The following DMBX1 variants were observed in gnomAD, a reference collection of about 807,000 sequenced individuals.
DMBX1 encodes diencephalon/mesencephalon homeobox 1.
In DMBX1, 7 loss-of-function variants were observed where a neutral mutation model predicts 30.4. The observed-to-expected ratio is 0.23, with a 90% confidence interval of 0.13 to 0.43. The LOEUF (loss-of-function observed/expected upper bound fraction) is 0.43, where lower values mean the gene tolerates loss of function less well. DMBX1 is among the 20% of genes least tolerant of loss of function. The probability of loss-of-function intolerance (pLI) is 1.00; values close to 1 mark genes in which losing one functional copy is unlikely to be tolerated. For synonymous variants in DMBX1, 222 were observed against 214.2 expected (o/e 1.04, Z -0.32); for missense variants, 460 against 508.5 (o/e 0.90, Z 0.92).
intron 2 of DMBX1, among the ~76,000 whole-genome samples, chr1:46,497,888 G>T (rs1238198054): frequency 6.6e-6 from 1 of 152,204 alleles, no homozygotes; most frequent in African/African-American, 2.4e-5. Context: ...TGTGAAACGC[G>T]GCCGCGCCGT....
At chr1:46,503,635 G>A (rs905597862) in intron 2 of DMBX1, among the ~76,000 whole-genome samples, 1 of 152,202 alleles carries the variant, frequency 6.6e-6, no homozygotes, top group Non-Finnish European at 1.5e-5. Flanking sequence ...GTCTGCGTAC[G>A]TGTATTTTTG....
rs1048047254 is a variant in DMBX1 at position 46,491,313 on chromosome 1, T to C, written c.-13+530T>C. On this transcript the variant is annotated intron_variant, in intron 2 of 5. Transcript: ENST00000360032. The surrounding 1 kb of genome is among the most constrained non-coding windows in gnomAD (Gnocchi z 5.5). Reference sequence around the variant, plus strand: ...GACGAGATCCGAGGCCTTTTCACCCTCTTTGCAAGCATGCAGTTCACCAAA... The same window carrying C: ...GACGAGATCCGAGGCCTTTTCACCCCCTTTGCAAGCATGCAGTTCACCAAA... Among the ~76,000 whole-genome samples the C allele has an allele frequency of 1.3e-5, 2 of 152,272 alleles. No individual in the cohort carries two copies. Among genetic ancestry groups the C allele is most frequent in the African/African-American group, 2.4e-5 (1 of 41,548 alleles).
chr1:46,508,808 G>A (rs1281760035), intron 3 of DMBX1, among the ~76,000 whole-genome samples: 2 of 145,248 alleles, frequency 1.4e-5, no homozygotes, highest in South Asian at 2.2e-4. Context: ...ACACCTACAC[G>A]CCCCCCACCC....
chr1:46,508,533 A>G (rs1666285378), intron 3 of DMBX1, among the ~76,000 whole-genome samples: 1 of 152,072 alleles, frequency 6.6e-6, no homozygotes, highest in Admixed American at 6.5e-5. Flanking sequence ...TAGTGTGGGG[A>G]TGTTGGATAC....
chr1:46,498,563 C>A (rs1487392519), intron 2 of DMBX1, among the ~76,000 whole-genome samples: 1 of 152,090 alleles, frequency 6.6e-6, no homozygotes, highest in East Asian at 1.9e-4. Context: ...GGGGACAGGG[C>A]CACATGACTT....
Position 46,510,665 on chromosome 1 carries a change from A to G in DMBX1, c.333+11A>G, listed in dbSNP as rs201514944. 845 of 1,610,650 alleles carry G rather than the reference A, an allele frequency of 5.2e-4. 1 individual carries two copies. The highest frequency in any genetic ancestry group is 8.9e-4 in the Middle Eastern group (5 of 5,620). On this transcript the variant is annotated intron_variant, in intron 4 of 5. Transcript: ENST00000360032. This position sits in a 1 kb window ranked among gnomAD's most constrained non-coding sequence, Gnocchi z 4.1. ...GAGGCCCGGGTGCAGGTAGGGCCCA[A>G]CTCTCCTAACTAGGCCTTGCAGACA...
rs1460333055 is a variant in DMBX1, at chr1:46,493,031, T to A, written c.-13+2248T>A. 6.6e-6 allele frequency among the ~76,000 whole-genome samples: 1 copy of A among 151,982 alleles called. No homozygotes were observed. The highest frequency in any genetic ancestry group is 1.9e-4 in the East Asian group (1 of 5,194). On this transcript the variant is annotated intron_variant, in intron 2 of 5. Coordinates refer to ENST00000360032, the MANE Select transcript of DMBX1 (RefSeq NM_172225.2). This position sits in a 1 kb window ranked among gnomAD's most constrained non-coding sequence, Gnocchi z 4.1. ...CAGGCCTCGAAGTTACTCCTCCTCC[T>A]CCGGCCAGTCCCAGTTCCTCAAGGA...
In DMBX1 at chr1:46,507,122, C is replaced by G. The variant is rs758428106; in HGVS notation, c.112C>G (p.Arg38Gly). ...GCAGGCCCAGCATGCCCCCGACTACCGGCCTTCAGTGCATGCGCTTACATT... is the reference window on the plus strand; with the variant it reads ...GCAGGCCCAGCATGCCCCCGACTACGGGCCTTCAGTGCATGCGCTTACATT... ...AQQAQHAPDY[R>G]PSVHALTLAE... Residue 38 changes from arginine to glycine, a missense_variant, in exon 3 of 6, where the codon CGG becomes GGG. Coordinates refer to ENST00000360032, the MANE Select transcript of DMBX1 (RefSeq NM_172225.2). The G allele has an allele frequency of 2.5e-6, 4 of 1,614,242 alleles. No individual in the cohort carries two copies. The South Asian group carries it at 3.3e-5, about 13-fold the overall frequency.
chr1:46,498,545 T>C (rs1666066551), intron 2 of DMBX1, among the ~76,000 whole-genome samples: 1 of 152,154 alleles, frequency 6.6e-6, no homozygotes, highest in African/African-American at 2.4e-5. Context: ...TACACTGACC[T>C]AGCAGCAGGG....
intron 2 of DMBX1, among the ~76,000 whole-genome samples, chr1:46,506,684 G>A (rs59450915): frequency 0.06 from 9,170 of 152,276 alleles, 700 homozygotes; most frequent in African/African-American, 0.18. Context: ...CTATGGGTCA[G>A]ATAAGTTAAA....
rs545485017 is a variant in DMBX1 at position 46,512,024 on chromosome 1, T to C, written c.683-19T>C. On this transcript the variant is annotated intron_variant, in intron 5 of 5. Transcript: ENST00000360032. The surrounding 1 kb of genome is among the most constrained non-coding windows in gnomAD (Gnocchi z 4.8). ...TGCCCTTGTCCTGAGGGCTTTGTTC[T>C]TGGGTTCTCTGCTTGCAGATTCCCC... 6.7e-5 allele frequency: 108 copies of C among 1,601,604 alleles called. 3 individuals are homozygous for C. In the South Asian group the frequency reaches 1.1e-3, roughly 17 times the overall value.
intron 2 of DMBX1, among the ~76,000 whole-genome samples, chr1:46,503,068 T>C (rs1260529493): frequency 6.6e-6 from 1 of 152,212 alleles, no homozygotes; most frequent in Non-Finnish European, 1.5e-5. Flanking sequence ...CCTCTAACCT[T>C]ACCTCCTTCA....
In DMBX1 at chr1:46,507,073, C is replaced by T. The variant is rs772839433; in HGVS notation, c.63C>T (p.Tyr21=). 21 of 1,614,150 alleles carry T rather than the reference C, an allele frequency of 1.3e-5. No individual in the cohort carries two copies. In the African/African-American group the frequency reaches 2.5e-4, roughly 19 times the overall value. Residue 21 remains tyrosine (Y), a synonymous_variant, in exon 3 of 6, where the codon TAC becomes TAT. Transcript: ENST00000360032. ...LHAMNSLSAM[Y]NLHQQAAQQA... ...CCATGAACTCACTCAGCGCCATGTA[C>T]AACCTGCACCAGCAGGCAGCCCAGC...
At chr1:46,509,577 C>A (rs1023318020) in intron 3 of DMBX1, among the ~76,000 whole-genome samples, 1 of 152,090 alleles carries the variant, frequency 6.6e-6, no homozygotes, top group Non-Finnish European at 1.5e-5. Context: ...AAGGCTATAC[C>A]CCAGGATGGA....
intron 2 of DMBX1, 122 bp from the exon 3 acceptor site, chr1:46,506,877 G>A (rs1338124023): frequency 3.6e-6 from 4 of 1,106,448 alleles, no homozygotes; most frequent in Non-Finnish European, 5.2e-6. Context: ...GCTCCCTTCC[G>A]ATGGAGGGAG....
Position 46,491,268 on chromosome 1 carries a change from C to G in DMBX1, c.-13+485C>G, listed in dbSNP as rs1400345189. Among the ~76,000 whole-genome samples the G allele has an allele frequency of 1.3e-5, 2 of 152,106 alleles. No individual in the cohort carries two copies. The highest frequency in any genetic ancestry group is 3.9e-4 in the East Asian group (2 of 5,188). On this transcript the variant is annotated intron_variant, in intron 2 of 5. Transcript: ENST00000360032. The surrounding 1 kb of genome is among the most constrained non-coding windows in gnomAD (Gnocchi z 5.5). ...TGTGATTTGCGGCAGGAAGGAGTCC[C>G]GGAATGGAAGAACGGGGAGGACGAG... is the stretch of plus-strand genomic sequence containing the variant.
chr1:46,502,285 C>T (rs756417035), intron 2 of DMBX1, among the ~76,000 whole-genome samples: 1 of 152,192 alleles, frequency 6.6e-6, no homozygotes. Flanking sequence ...AGATCTGCTT[C>T]TCCAACTCAA....
rs1168794660 is a variant in DMBX1, at chr1:46,493,027, C to A, written c.-13+2244C>A. On this transcript the variant is annotated intron_variant, in intron 2 of 5. Transcript: ENST00000360032. This position sits in a 1 kb window ranked among gnomAD's most constrained non-coding sequence, Gnocchi z 4.1. ...TCTCCAGGCCTCGAAGTTACTCCTC[C>A]TCCTCCGGCCAGTCCCAGTTCCTCA... Among the ~76,000 whole-genome samples the A allele has an allele frequency of 3.9e-5, 6 of 152,264 alleles. No individual in the cohort carries two copies. In the East Asian group the frequency reaches 1.2e-3, roughly 29 times the overall value.
At chr1:46,497,330 A>T (rs1666042773) in intron 2 of DMBX1, among the ~76,000 whole-genome samples, 2 of 152,216 alleles carry the variant, frequency 1.3e-5, no homozygotes, top group South Asian at 4.1e-4. Context: ...CGTGGTAGAT[A>T]TTCAAAGACT....
Sources: gnomAD v4.1 joint callset for allele counts (sites outside exome capture counted in the v4.1 genomes callset) on GRCh38, gnomAD v4.1.1 for gene constraint, Gnocchi (gnomAD v3.1) non-coding constraint, MANE v1.5 for transcripts, NCBI Gene and HGNC (gene_info 2026-07-23, HGNC 2026-07-21) for gene names.